The following SPMIP2 variants were observed in gnomAD, a reference collection of about 807,000 sequenced individuals.
The protein encoded by SPMIP2 is sperm microtubule inner protein 2, also known as protein SPMIP2.
the SPMIP2 span, among the ~76,000 whole-genome samples, chr4:158,939,383 T>C: frequency 6.6e-6 from 1 of 152,330 alleles, no homozygotes; most frequent in East Asian, 1.9e-4. Context: ...CAATCTTATT[T>C]CATCTCTATC....
At chr4:159,053,641 C>A in the SPMIP2 span, among the ~76,000 whole-genome samples, 1 of 152,092 alleles carries the variant, frequency 6.6e-6, no homozygotes, top group Non-Finnish European at 1.5e-5. Flanking sequence ...AGATATGGAC[C>A]TTACTAGTCC....
the SPMIP2 span, among the ~76,000 whole-genome samples, chr4:158,913,357 G>A: frequency 6.6e-6 from 1 of 151,968 alleles, no homozygotes; most frequent in African/African-American, 2.4e-5. Flanking sequence ...TGAGTAGCTG[G>A]GATTACAGGC....
the SPMIP2 span, among the ~76,000 whole-genome samples, chr4:158,944,654 C>T: frequency 6.6e-6 from 1 of 152,160 alleles, no homozygotes; most frequent in Non-Finnish European, 1.5e-5. Flanking sequence ...CATCATCTTC[C>T]CCATTAAGGG....
the SPMIP2 span, among the ~76,000 whole-genome samples, chr4:159,033,488 G>A: frequency 6.6e-6 from 1 of 152,234 alleles, no homozygotes; most frequent in African/African-American, 2.4e-5. Context: ...TAGGATTTCA[G>A]GAAGGAATTC....
chr4:158,986,438 T>G, the SPMIP2 span, among the ~76,000 whole-genome samples: 1 of 152,066 alleles, frequency 6.6e-6, no homozygotes, highest in Non-Finnish European at 1.5e-5. Context: ...AAAACAGAGA[T>G]ATAGATCAAT....
the SPMIP2 span, among the ~76,000 whole-genome samples, chr4:158,949,359 T>C: frequency 6.6e-6 from 1 of 152,240 alleles, no homozygotes; most frequent in South Asian, 2.1e-4. Flanking sequence ...ATTTATTAAG[T>C]CCTTCCTATG....
At chr4:158,987,026 A>G in the SPMIP2 span, among the ~76,000 whole-genome samples, 43 of 138,980 alleles carry the variant, frequency 3.1e-4, no homozygotes, top group South Asian at 0.011. Context: ...AAAACACATG[A>G]AAAAATGTTC....
At chr4:159,030,340 G>A in the SPMIP2 span, among the ~76,000 whole-genome samples, 6,600 of 152,028 alleles carry the variant, frequency 0.043, 436 homozygotes, top group African/African-American at 0.15. Context: ...TGAGCCCAGG[G>A]AGGTCAAGGC....
the SPMIP2 span, among the ~76,000 whole-genome samples, chr4:158,950,780 C>T: frequency 6.6e-6 from 1 of 152,216 alleles, no homozygotes; most frequent in Non-Finnish European, 1.5e-5. Context: ...TCTGTAATCC[C>T]AGCTACTCAG....
At chr4:159,082,655 G>A in the SPMIP2 span, among the ~76,000 whole-genome samples, 1 of 152,064 alleles carries the variant, frequency 6.6e-6, no homozygotes, top group Non-Finnish European at 1.5e-5. Context: ...AAAAAAAGAT[G>A]CTCAATTACT....
At chr4:158,939,735 T>G in the SPMIP2 span, among the ~76,000 whole-genome samples, 1 of 152,058 alleles carries the variant, frequency 6.6e-6, no homozygotes, top group Non-Finnish European at 1.5e-5. Context: ...CCCAGAACTT[T>G]CGGAGGCCGA....
chr4:158,984,440 T>C, the SPMIP2 span, among the ~76,000 whole-genome samples: 8 of 150,668 alleles, frequency 5.3e-5, no homozygotes, highest in African/African-American at 1.5e-4. Flanking sequence ...GTCTCTCAGA[T>C]CACAGTGCAA....
chr4:158,982,791 C>T, the SPMIP2 span, among the ~76,000 whole-genome samples: 3 of 151,996 alleles, frequency 2.0e-5, no homozygotes, highest in African/African-American at 7.2e-5. Flanking sequence ...AATTGACACC[C>T]TAGAACAAAG....
chr4:159,067,379 C>T, the SPMIP2 span, among the ~76,000 whole-genome samples: 29 of 152,120 alleles, frequency 1.9e-4, no homozygotes, highest in East Asian at 4.4e-3. Context: ...GTAGATGGGA[C>T]GCCACCATGC....
chr4:158,903,609 C>T, the SPMIP2 span, among the ~76,000 whole-genome samples: 1 of 152,084 alleles, frequency 6.6e-6, no homozygotes, highest in African/African-American at 2.4e-5. Flanking sequence ...TTCCTTTATC[C>T]CCTTCCTCCC....
chr4:158,973,222 C>T, the SPMIP2 span: 1 of 1,613,828 alleles, frequency 6.2e-7, no homozygotes, highest in South Asian at 1.1e-5. Context: ...TATCTGAGAT[C>T]TCCAGTTTTT....
the SPMIP2 span, among the ~76,000 whole-genome samples, chr4:159,042,366 CTT>C: frequency 4.6e-5 from 7 of 152,258 alleles, no homozygotes; most frequent in Non-Finnish European, 1.0e-4. Flanking sequence ...CAGTGGAGCA[CTT>C]CTCTACATTG....
chr4:158,920,564 G>C, the SPMIP2 span, among the ~76,000 whole-genome samples: 6 of 152,234 alleles, frequency 3.9e-5, no homozygotes, highest in East Asian at 1.2e-3. Context: ...ACTGAGATAC[G>C]CCCTGGTCTC....
chr4:159,062,555 G>T, the SPMIP2 span, among the ~76,000 whole-genome samples: 1 of 152,132 alleles, frequency 6.6e-6, no homozygotes, highest in Non-Finnish European at 1.5e-5. Flanking sequence ...AACTCTTACT[G>T]TGTAAAGTGA....
Sources: allele counts gnomAD v4.1 joint callset (sites outside exome capture counted in the v4.1 genomes callset), GRCh38; gene constraint gnomAD v4.1.1; transcripts MANE v1.5; gene names NCBI Gene and HGNC (gene_info 2026-07-23, HGNC 2026-07-21).